TMCC1: variants seen among roughly 807,000 people sequenced by gnomAD.
TMCC1 encodes transmembrane and coiled-coil domains protein 1.
In TMCC1, 15 loss-of-function variants were observed where a neutral mutation model predicts 52.4. That is an observed-to-expected ratio of 0.29 (90% CI 0.19 to 0.44). The LOEUF (loss-of-function observed/expected upper bound fraction) is 0.44. Ranked by LOEUF, TMCC1 falls within the 20% of genes least tolerant of loss-of-function variation. The pLI, the probability that TMCC1 is intolerant of heterozygous loss-of-function variation, is 1.00. For missense variants in TMCC1, 503 were observed against 806.0 expected, an observed-to-expected ratio of 0.62 and a Z score of 4.55; for synonymous variants, 279 against 301.9, an observed-to-expected ratio of 0.92 and a Z score of 0.79.
chr3:129,702,965 G>A (rs568277148), intron 4 of TMCC1, among the ~76,000 whole-genome samples: 2 of 152,290 alleles, frequency 1.3e-5, no homozygotes, highest in South Asian at 2.1e-4. Flanking sequence ...GCAGTGGGCC[G>A]AGATTGCATC....
chr3:129,657,083 G>C (rs888808871), intron 5 of TMCC1, among the ~76,000 whole-genome samples: 2 of 152,102 alleles, frequency 1.3e-5, no homozygotes, highest in African/African-American at 4.8e-5. Flanking sequence ...GGTCTCTTGG[G>C]ATTTAAGGGA....
chr3:129,686,867 G>A (rs1373576210), intron 4 of TMCC1, among the ~76,000 whole-genome samples: 2 of 152,190 alleles, frequency 1.3e-5, no homozygotes, highest in African/African-American at 2.4e-5. Flanking sequence ...CACTATTACA[G>A]TAGGTTTCAC....
chr3:129,666,075 T>TGG (rs2087426818), intron 5 of TMCC1, among the ~76,000 whole-genome samples: 1 of 152,212 alleles, frequency 6.6e-6, no homozygotes, highest in Non-Finnish European at 1.5e-5. Flanking sequence ...ATGCATTAAC[T>TGG]GGTTCTTGGT....
chr3:129,832,923 A>G (rs2058984215), intron 2 of TMCC1, 97 bp from the exon 3 acceptor site: 1 of 152,232 alleles, frequency 6.6e-6, no homozygotes, highest in South Asian at 2.1e-4. Context: ...TATATCCAAC[A>G]AAATGTTAAT....
intron 4 of TMCC1, among the ~76,000 whole-genome samples, chr3:129,775,840 G>C (rs1291412664): frequency 2.6e-5 from 4 of 152,172 alleles, no homozygotes; most frequent in Non-Finnish European, 5.9e-5. Flanking sequence ...TAGCCAGACA[G>C]ATCTTTTAAA....
intron 4 of TMCC1, among the ~76,000 whole-genome samples, chr3:129,685,523 TA>T (rs1465208248): frequency 1.3e-5 from 2 of 152,094 alleles, no homozygotes; most frequent in Non-Finnish European, 2.9e-5. Flanking sequence ...CATTTCAGGT[TA>T]ACAGCCTAGT....
intron 2 of TMCC1, among the ~76,000 whole-genome samples, chr3:129,836,156 C>T (rs1305515317): frequency 6.6e-6 from 1 of 151,932 alleles, no homozygotes; most frequent in African/African-American, 2.4e-5. Flanking sequence ...CAGGAAGATG[C>T]AACAATTTTA....
At chr3:129,818,267 AG>A (rs530721500) in intron 4 of TMCC1, among the ~76,000 whole-genome samples, 148 of 152,264 alleles carry the variant, frequency 9.7e-4, no homozygotes, top group African/African-American at 3.3e-3. Flanking sequence ...AAGAAAAAAA[AG>A]AAAAATACAA....
At chr3:129,771,934 T>A (rs1220311624) in intron 4 of TMCC1, among the ~76,000 whole-genome samples, 2 of 152,080 alleles carry the variant, frequency 1.3e-5, no homozygotes. Flanking sequence ...TGAATTACAT[T>A]AGTGGCAATG....
chr3:129,651,380 C>T lies in TMCC1; in HGVS notation c.*101G>A. On this transcript the variant is annotated 3_prime_UTR_variant, in exon 7 of 7. Coordinates refer to ENST00000393238, the MANE Select transcript of TMCC1 (RefSeq NM_001017395.5). This position sits in a 1 kb window ranked among gnomAD's most constrained non-coding sequence, Gnocchi z 5.1. ...TAAATGTAAACAGATTCACTCAACT[C>T]TTTTTTTGTTGTAGAAAACTTCAGA... The T allele has an allele frequency of 7.8e-7, 1 of 1,275,420 alleles. No individual in the cohort carries two copies. The highest frequency in any genetic ancestry group is 1.1e-6 in the Non-Finnish European group (1 of 921,918). The allele number at this position is 1,275,420 out of a possible 1,614,324, so 79.0% of individuals were successfully genotyped here.
At chr3:129,689,287 C>T (rs753758433) in intron 4 of TMCC1, among the ~76,000 whole-genome samples, 26 of 152,280 alleles carry the variant, frequency 1.7e-4, no homozygotes, top group Non-Finnish European at 3.4e-4. Context: ...CAAGACACTA[C>T]GTGACAGAAC....
intron 1 of TMCC1, among the ~76,000 whole-genome samples, chr3:129,892,254 C>T (rs902324208): frequency 3.3e-5 from 5 of 152,206 alleles, no homozygotes; most frequent in African/African-American, 1.2e-4. Context: ...TTACCACCCA[C>T]AGACCAGAAG....
chr3:129,754,011 A>C (rs1474682245), intron 4 of TMCC1, among the ~76,000 whole-genome samples: 1 of 152,136 alleles, frequency 6.6e-6, no homozygotes, highest in Non-Finnish European at 1.5e-5. Context: ...TCTTGAACTA[A>C]AAAATAAGTT....
At chr3:129,709,327 G>A (rs1026795290) in intron 4 of TMCC1, among the ~76,000 whole-genome samples, 20 of 151,530 alleles carry the variant, frequency 1.3e-4, no homozygotes, top group Admixed American at 2.6e-4. Context: ...AAATAGCTGG[G>A]CATGGCATGG....
At chr3:129,747,439 T>C (rs2052079701) in intron 4 of TMCC1, among the ~76,000 whole-genome samples, 1 of 152,218 alleles carries the variant, frequency 6.6e-6, no homozygotes, top group African/African-American at 2.4e-5. Context: ...AGCTATATTG[T>C]TTCAAAATTA....
intron 4 of TMCC1, among the ~76,000 whole-genome samples, chr3:129,764,362 T>C (rs1351769284): frequency 6.6e-6 from 1 of 152,218 alleles, no homozygotes; most frequent in Non-Finnish European, 1.5e-5. Flanking sequence ...GTAAATTCAA[T>C]GGAAATCAAA....
chr3:129,770,709 T>C (rs2054502968), intron 4 of TMCC1, among the ~76,000 whole-genome samples: 1 of 152,180 alleles, frequency 6.6e-6, no homozygotes, highest in Non-Finnish European at 1.5e-5. Context: ...AAACCATAGA[T>C]TTTAATTCTA....
At chr3:129,840,285 C>T (rs2059361522) in intron 2 of TMCC1, among the ~76,000 whole-genome samples, 1 of 132,782 alleles carries the variant, frequency 7.5e-6, no homozygotes, top group Non-Finnish European at 1.5e-5. Flanking sequence ...CATGATCATG[C>T]TACTGTACTC....
chr3:129,745,058 T>C (rs534789719), intron 4 of TMCC1, among the ~76,000 whole-genome samples: 1 of 152,288 alleles, frequency 6.6e-6, no homozygotes, highest in Non-Finnish European at 1.5e-5. Context: ...TGAGTAATAA[T>C]GGAGAGAATA....
Sources: allele counts gnomAD v4.1 joint callset (sites outside exome capture counted in the v4.1 genomes callset), GRCh38; gene constraint gnomAD v4.1.1; non-coding constraint Gnocchi (gnomAD v3.1); transcripts MANE v1.5; gene names NCBI Gene and HGNC (gene_info 2026-07-23, HGNC 2026-07-21).